The following IQCM variants were observed in gnomAD, a reference collection of about 807,000 sequenced individuals.
The protein encoded by IQCM is IQ motif containing M.
In IQCM, 45 loss-of-function variants were observed where a neutral mutation model predicts 57.6. The observed-to-expected ratio is 0.78, with a 90% CI of 0.62 to 1.00. The LOEUF (loss-of-function observed/expected upper bound fraction) is 1.00. IQCM is among the 50% of genes least tolerant of loss of function. The probability of loss-of-function intolerance (pLI) is 0.00; values close to 1 mark genes in which losing one functional copy is unlikely to be tolerated. For synonymous variants in IQCM, 148 were observed against 158.9 expected (o/e 0.93, Z 0.51); for missense variants, 468 against 511.6 (o/e 0.91, Z 0.82).
chr4:149,579,226 C>G (rs899164027), intron 9 of IQCM, among the ~76,000 whole-genome samples: 2 of 151,768 alleles, frequency 1.3e-5, no homozygotes, highest in Admixed American at 1.3e-4. Flanking sequence ...AGTTTCCTTA[C>G]TCTCTGCTAC....
At chr4:149,674,990 G>A (rs534512670) in intron 7 of IQCM, among the ~76,000 whole-genome samples, 3 of 152,216 alleles carry the variant, frequency 2.0e-5, no homozygotes, top group African/African-American at 7.2e-5. Flanking sequence ...GCTCTTCAAA[G>A]TGAGATTTTG....
intron 2 of IQCM, among the ~76,000 whole-genome samples, chr4:149,752,254 G>A (rs563715847): frequency 7.9e-5 from 12 of 151,954 alleles, no homozygotes; most frequent in South Asian, 2.1e-4. Flanking sequence ...TTTTCTCATC[G>A]ATATCTGGCT....
intron 12 of IQCM, among the ~76,000 whole-genome samples, chr4:149,511,576 A>G (rs1744427125): frequency 6.6e-6 from 1 of 151,622 alleles, no homozygotes; most frequent in Admixed American, 6.6e-5. Context: ...AATAAATATT[A>G]AACATTTAAA....
intron 5 of IQCM, among the ~76,000 whole-genome samples, chr4:149,727,395 G>A (rs1029863740): frequency 3.3e-5 from 5 of 151,978 alleles, no homozygotes; most frequent in Non-Finnish European, 7.4e-5. Flanking sequence ...CCTTCATGCT[G>A]TCTTTCCCTT....
rs540367065 is a variant in IQCM, at chr4:149,712,327, A to G, written c.385+20917T>C. The stretch of plus-strand genomic sequence containing the variant: ...ATTGATCTCTTTATCCTGTGCAGAT[A>G]CTGTCATACTGTCAATGTTCACACA... On this transcript the variant is annotated intron_variant, in intron 5 of 13. Transcript: ENST00000636793. Among the ~76,000 whole-genome samples the G allele has an allele frequency of 1.2e-4, 18 of 151,630 alleles. No individual in the cohort carries two copies. In the South Asian group the frequency reaches 3.5e-3, roughly 30 times the overall value.
At chr4:149,499,013 A>T (rs544626453) in intron 12 of IQCM, among the ~76,000 whole-genome samples, 6 of 152,228 alleles carry the variant, frequency 3.9e-5, no homozygotes, top group Non-Finnish European at 8.8e-5. Flanking sequence ...GTTCTCCACC[A>T]AGTTCAAATT....
At chr4:149,551,228 G>C (rs890072114) in intron 11 of IQCM, among the ~76,000 whole-genome samples, 7 of 152,100 alleles carry the variant, frequency 4.6e-5, no homozygotes, top group African/African-American at 1.7e-4. Context: ...CTTTGTGCTT[G>C]CTGCTCCCTC....
intron 5 of IQCM, among the ~76,000 whole-genome samples, chr4:149,701,459 G>A (rs1763764979): frequency 6.6e-6 from 1 of 151,964 alleles, no homozygotes; most frequent in Non-Finnish European, 1.5e-5. Context: ...TAACTTTAAG[G>A]CATGAGAGAG....
At chr4:149,675,340 A>T (rs1761659646) in intron 7 of IQCM, among the ~76,000 whole-genome samples, 1 of 151,958 alleles carries the variant, frequency 6.6e-6, no homozygotes, top group African/African-American at 2.4e-5. Flanking sequence ...ATGGTTTGGA[A>T]ACAGCAATGA....
intron 13 of IQCM, among the ~76,000 whole-genome samples, chr4:149,383,324 T>C (rs545827497): frequency 1.3e-5 from 2 of 152,312 alleles, no homozygotes; most frequent in Non-Finnish European, 2.9e-5. Flanking sequence ...CATTAAATCA[T>C]GTTTGAAATC....
chr4:149,378,843 C>T, intron 13 of IQCM, among the ~76,000 whole-genome samples: 1 of 152,180 alleles, frequency 6.6e-6, no homozygotes, highest in East Asian at 1.9e-4. Context: ...CAGGGAATAT[C>T]AGAGACCTTT....
intron 13 of IQCM, among the ~76,000 whole-genome samples, chr4:149,354,130 C>T (rs969724896): frequency 1.3e-5 from 2 of 151,430 alleles, no homozygotes; most frequent in Admixed American, 6.6e-5. Flanking sequence ...TTTGGGAGGC[C>T]GAGGCGGGTG....
At chr4:149,584,989 T>TA (rs1752523080) in intron 9 of IQCM, among the ~76,000 whole-genome samples, 1 of 151,774 alleles carries the variant, frequency 6.6e-6, no homozygotes, top group South Asian at 2.1e-4. Flanking sequence ...CTGCCTCTTT[T>TA]AAAAAAATAC....
chr4:149,727,041 C>T (rs925224112), intron 5 of IQCM, among the ~76,000 whole-genome samples: 5 of 152,062 alleles, frequency 3.3e-5, no homozygotes, highest in Admixed American at 6.6e-5. Context: ...TGAGTCACCA[C>T]GCCTGGCTCC....
At chr4:149,633,117 C>T (rs1013647506) in intron 7 of IQCM, among the ~76,000 whole-genome samples, 1 of 140,948 alleles carries the variant, frequency 7.1e-6, no homozygotes, top group East Asian at 2.2e-4. Flanking sequence ...GCCGAGATTG[C>T]GCCACTGCAG....
chr4:149,596,255 C>T (rs1753762747), intron 8 of IQCM, among the ~76,000 whole-genome samples: 1 of 151,966 alleles, frequency 6.6e-6, no homozygotes, highest in Non-Finnish European at 1.5e-5. Context: ...TTCATAGTAA[C>T]AAATCTCAAC....
chr4:149,805,720 A>C (rs1774016941), intron 2 of IQCM, among the ~76,000 whole-genome samples: 1 of 152,018 alleles, frequency 6.6e-6, no homozygotes, highest in Non-Finnish European at 1.5e-5. Context: ...AATATTTCCA[A>C]TTTCATATCA....
rs569462309 is a variant in IQCM, at chr4:149,592,140, C to T, written c.682-4143G>A. ...TGCTGTTTCCTGACATTTTAATGAC[C>T]GCCATTCTAACTGGTGTCAGATGGT... On this transcript the variant is annotated intron_variant, in intron 8 of 13. Coordinates refer to ENST00000636793, the MANE Select transcript of IQCM (RefSeq NM_001363507.2). Among the ~76,000 whole-genome samples the T allele has an allele frequency of 1.8e-4, 27 of 152,038 alleles. 1 individual carries two copies. The East Asian group carries it at 2.1e-3, about 12-fold the overall frequency.
At chr4:149,507,339 G>A (rs1743930670) in intron 12 of IQCM, among the ~76,000 whole-genome samples, 1 of 152,202 alleles carries the variant, frequency 6.6e-6, no homozygotes, top group Admixed American at 6.5e-5. Context: ...AAACAGTTTG[G>A]AGGGCTCAGA....
Sources: gnomAD v4.1 joint callset for allele counts (sites outside exome capture counted in the v4.1 genomes callset) on GRCh38, gnomAD v4.1.1 for gene constraint, MANE v1.5 for transcripts, NCBI Gene and HGNC (gene_info 2026-07-23, HGNC 2026-07-21) for gene names.